COL6A5: variants seen among roughly 807,000 people sequenced by gnomAD.
COL6A5 encodes the protein collagen type VI alpha 5 chain, also known as collagen alpha-5(VI) chain.
COL6A5 carries 48 observed loss-of-function variants against 65.6 expected under a neutral mutation model. The observed-to-expected ratio is 0.73, with a 90% CI of 0.58 to 0.93. The LOEUF is 0.93. COL6A5 is among the 40% of genes least tolerant of loss of function. The pLI, the probability that COL6A5 is intolerant of heterozygous loss-of-function variation, is 0.00. For synonymous variants in COL6A5, 291 were observed against 322.8 expected, an observed-to-expected ratio of 0.90 and a Z score of 1.05; for missense variants, 914 against 928.3, an observed-to-expected ratio of 0.98 and a Z score of 0.20.
chr3:130,484,622 T>C, exon 8 of COL6A5: 1 of 398,940 alleles, frequency 2.5e-6, no homozygotes. Context: ...GACAAAAGAA[T>C]GGAATTGGTG....
chr3:130,366,912 A>G (rs945980222), intron 1 of COL6A5, among the ~76,000 whole-genome samples: 5 of 152,190 alleles, frequency 3.3e-5, no homozygotes, highest in Admixed American at 6.5e-5. Context: ...AATAACCCCC[A>G]TAGTTGTTAG....
intron 1 of COL6A5, among the ~76,000 whole-genome samples, chr3:130,358,293 G>A (rs548030236): frequency 4.3e-4 from 66 of 152,092 alleles, no homozygotes; most frequent in South Asian, 1.7e-3. Flanking sequence ...ATAATAAAAG[G>A]TATATACATT....
intron 5 of COL6A5, among the ~76,000 whole-genome samples, chr3:130,387,347 C>G (rs1936226828): frequency 6.6e-6 from 1 of 152,048 alleles, no homozygotes; most frequent in Admixed American, 6.6e-5. Flanking sequence ...GATAGATATT[C>G]AGGGACATTA....
chr3:130,401,818 A>C, exon 12 of COL6A5: 4 of 1,551,516 alleles, frequency 2.6e-6, no homozygotes, highest in Non-Finnish European at 3.5e-6. Context: ...CAGGAATTCC[A>C]GGACCTCATG....
At chr3:130,361,209 G>C (rs1935094414) in intron 1 of COL6A5, among the ~76,000 whole-genome samples, 1 of 152,030 alleles carries the variant, frequency 6.6e-6, no homozygotes, top group African/African-American at 2.4e-5. Flanking sequence ...AGACAGAATA[G>C]TTTTTAAAAA....
In COL6A5 at chr3:130,421,496, G is replaced by A. The variant is rs369985422; in HGVS notation, c.5037+136G>A. ...CAGTTGTTTTCCTTGGGCTTCCTGA[G>A]GAAAGAATCATATTTAACCCCTGTG... On this transcript the variant is annotated intron_variant and NMD_transcript_variant, in intron 27 of 41. Transcript: ENST00000312481. 8.9e-5 allele frequency: 71 copies of A among 793,790 alleles called. 1 individual carries two copies. Among genetic ancestry groups the A allele is most frequent in the African/African-American group, 3.5e-5 (2 of 57,450 alleles). 49.2% of individuals were successfully genotyped at this position (793,790 alleles called of 1,614,324 possible).
At chr3:130,391,590 AC>A in exon 7 of COL6A5, 1 of 1,551,714 alleles carries the variant, frequency 6.4e-7, no homozygotes, top group Non-Finnish European at 8.7e-7. Flanking sequence ...GAACTGAGAA[AC>A]AAAGGCATCA....
chr3:130,346,433 A>G (rs1262547470), intron 1 of COL6A5, among the ~76,000 whole-genome samples: 3 of 152,134 alleles, frequency 2.0e-5, no homozygotes, highest in Non-Finnish European at 4.4e-5. Flanking sequence ...ATAAACAGCA[A>G]TGGGTGTGTA....
chr3:130,378,751 C>T (rs1388796539), intron 3 of COL6A5, among the ~76,000 whole-genome samples: 1 of 152,112 alleles, frequency 6.6e-6, no homozygotes, highest in Non-Finnish European at 1.5e-5. Flanking sequence ...TCAGTCATTT[C>T]TCAACCCACA....
At chr3:130,383,082 A>G (rs146302056) in intron 4 of COL6A5, among the ~76,000 whole-genome samples, 24 of 152,214 alleles carry the variant, frequency 1.6e-4, no homozygotes, top group African/African-American at 4.3e-4. Flanking sequence ...ACATACATCT[A>G]TATTTATATA....
In COL6A5 at chr3:130,432,421, C is replaced by T. The variant is rs572400676; in HGVS notation, c.487+472C>T. ...TACAAAAATTAGCTGCATGGTGGCGCGTGCCTGTAATCCCAGCTACTCAGG... is the reference window on the plus strand; with the variant it reads ...TACAAAAATTAGCTGCATGGTGGCGTGTGCCTGTAATCCCAGCTACTCAGG... On this transcript the variant is annotated intron_variant, in intron 1 of 7. Transcript: ENST00000512836. 2.2e-4 allele frequency among the ~76,000 whole-genome samples: 33 copies of T among 151,882 alleles called. 1 individual carries two copies. Among genetic ancestry groups the T allele is most frequent in the East Asian group, 9.7e-4 (5 of 5,156 alleles).
chr3:130,431,584 A>G, exon 1 of COL6A5: 1 of 1,551,618 alleles, frequency 6.4e-7, no homozygotes, highest in Non-Finnish European at 8.7e-7. Flanking sequence ...TGACCTTAAC[A>G]TCAGGGAAAA....
chr3:130,439,447 C>T, intron 1 of COL6A5, 75 bp from the exon 34 acceptor site: 1 of 1,077,736 alleles, frequency 9.3e-7, no homozygotes, highest in Non-Finnish European at 1.4e-6. Context: ...GTTTTTTAAA[C>T]TAATCCTTAA....
chr3:130,419,365 G>A (rs1305599981), intron 25 of COL6A5, among the ~76,000 whole-genome samples: 17 of 152,122 alleles, frequency 1.1e-4, no homozygotes, highest in Admixed American at 1.1e-3. Context: ...GCTGTAACAA[G>A]ATCTCAGCTC....
At chr3:130,460,612 AATGGTGGTGATGGTG>A (rs2107605462) in intron 5 of COL6A5, among the ~76,000 whole-genome samples, 1 of 152,168 alleles carries the variant, frequency 6.6e-6, no homozygotes, top group South Asian at 2.1e-4. Flanking sequence ...AGTAGGTGAC[AATGGTGGTGATGGTG>A]ATGGAGGCGG....
chr3:130,400,093 G>A (rs1044062529), intron 10 of COL6A5, among the ~76,000 whole-genome samples: 5 of 152,048 alleles, frequency 3.3e-5, no homozygotes, highest in African/African-American at 4.8e-5. Context: ...ACTTCTCTCC[G>A]TCCTTGCCTA....
chr3:130,414,222 T>C, intron 22 of COL6A5, 91 bp downstream of exon 22: 4 of 1,018,856 alleles, frequency 3.9e-6, no homozygotes, highest in Non-Finnish European at 3.0e-6. Flanking sequence ...AATAAATAAC[T>C]GAGAATCTGC....
Position 130,363,667 on chromosome 3 carries a change from T to C in COL6A5, c.-28-9944T>C, listed in dbSNP as rs190672991. Among the ~76,000 whole-genome samples, 60 of 152,342 alleles carry C rather than the reference T, an allele frequency of 3.9e-4. 1 individual carries two copies. Among genetic ancestry groups the C allele is most frequent in the Admixed American group, 7.2e-4 (11 of 15,302 alleles). On this transcript the variant is annotated intron_variant and NMD_transcript_variant, in intron 1 of 41. Coordinates refer to the COL6A5 transcript ENST00000312481. Reference sequence around the variant, plus strand: ...CCATTCCCCTCACCCTGCTGAATAATGAGAAATTTTTTCTTTTATCTTTAC... The same window carrying C: ...CCATTCCCCTCACCCTGCTGAATAACGAGAAATTTTTTCTTTTATCTTTAC...
chr3:130,436,776 C>T (rs917101699), intron 1 of COL6A5, among the ~76,000 whole-genome samples: 2 of 152,050 alleles, frequency 1.3e-5, no homozygotes, highest in East Asian at 1.9e-4. Flanking sequence ...TTTTCTGATT[C>T]GGCTTCATCA....
Sources: gnomAD v4.1 joint callset for allele counts (sites outside exome capture counted in the v4.1 genomes callset) on GRCh38, gnomAD v4.1.1 for gene constraint, MANE v1.5 for transcripts, NCBI Gene and HGNC (gene_info 2026-07-23, HGNC 2026-07-21) for gene names.